The following DAAM1 variants were observed in gnomAD, a reference collection of about 807,000 sequenced individuals.
DAAM1 encodes dishevelled associated activator of morphogenesis 1.
Under a neutral mutation model 130.0 loss-of-function variants are expected in DAAM1, and 52 were observed. The ratio of observed to expected loss-of-function variants is 0.40; its 90% CI spans 0.32 to 0.50. DAAM1 has a LOEUF of 0.50. DAAM1 is among the 20% of genes least tolerant of loss of function. The pLI, the probability that DAAM1 is intolerant of heterozygous loss-of-function variation, is 0.61. For synonymous variants in DAAM1, 452 were observed against 444.5 expected, an observed-to-expected ratio of 1.02 and a Z score of -0.21; for missense variants, 1,134 against 1,303.8, an observed-to-expected ratio of 0.87 and a Z score of 2.01.
At chr14:59,211,283 C>G (rs1888418212) in intron 1 of DAAM1, among the ~76,000 whole-genome samples, 1 of 152,152 alleles carries the variant, frequency 6.6e-6, no homozygotes, top group Non-Finnish European at 1.5e-5. Context: ...TATTATGGTT[C>G]TGTTCAGATT....
chr14:59,358,382 AACT>A (rs564581681), intron 20 of DAAM1, among the ~76,000 whole-genome samples: 153 of 152,230 alleles, frequency 1.0e-3, no homozygotes, highest in Non-Finnish European at 6.0e-4. Context: ...CAACTGTTTT[AACT>A]ACTAAGAGTT....
At chr14:59,257,310 T>A (rs1881942910) in intron 1 of DAAM1, among the ~76,000 whole-genome samples, 1 of 151,828 alleles carries the variant, frequency 6.6e-6, no homozygotes, top group Non-Finnish European at 1.5e-5. Flanking sequence ...ATATACTACG[T>A]GCCAGGGATT....
intron 2 of DAAM1, among the ~76,000 whole-genome samples, chr14:59,286,513 A>G (rs1005308837): frequency 1.6e-4 from 25 of 152,188 alleles, no homozygotes; most frequent in Admixed American, 1.2e-3. Context: ...GAAAGATTAA[A>G]CAAGATTTAT....
rs17096063 is a variant in DAAM1 at position 59,310,910 on chromosome 14, G to A, written c.274-4370G>A. On this transcript the variant is annotated intron_variant, in intron 3 of 24. Coordinates refer to ENST00000360909, the MANE Select transcript of DAAM1 (RefSeq NM_001270520.2). The stretch of plus-strand genomic sequence containing the variant: ...ACCGCAGAGCATGTCCTTTACAATT[G>A]ATTGACCTTTGCATAGCTTATTTTG... Among the ~76,000 whole-genome samples the A allele has an allele frequency of 6.5e-3, 981 of 151,996 alleles. 15 individuals are homozygous for A. The highest frequency in any genetic ancestry group is 0.023 in the African/African-American group (950 of 41,484).
At chr14:59,289,224 A>C (rs777653463) in intron 2 of DAAM1, among the ~76,000 whole-genome samples, 1 of 152,090 alleles carries the variant, frequency 6.6e-6, no homozygotes, top group Middle Eastern at 3.4e-3. Context: ...CCAACCACAC[A>C]CTTTTAAACC....
intron 1 of DAAM1, among the ~76,000 whole-genome samples, chr14:59,206,476 C>T (rs1054820004): frequency 1.1e-4 from 16 of 152,012 alleles, no homozygotes; most frequent in African/African-American, 1.4e-4. Flanking sequence ...AGGGTTTTAC[C>T]GTGTTAGCCA....
At chr14:59,282,802 C>A (rs928034487) in intron 2 of DAAM1, among the ~76,000 whole-genome samples, 2 of 152,174 alleles carry the variant, frequency 1.3e-5, no homozygotes, top group African/African-American at 4.8e-5. Context: ...TAAAACACTA[C>A]TATTAAGAAC....
At chr14:59,341,396 A>T (rs944630186) in intron 16 of DAAM1, among the ~76,000 whole-genome samples, 1 of 152,220 alleles carries the variant, frequency 6.6e-6, no homozygotes, top group South Asian at 2.1e-4. Context: ...TTTCTTCTAC[A>T]GTAGTCCCCC....
Position 59,324,247 on chromosome 14 carries a change from C to T in DAAM1, c.885+9C>T. 1 of 1,415,960 alleles carries T rather than the reference C, an allele frequency of 7.1e-7. No individual in the cohort carries two copies. The highest frequency in any genetic ancestry group is 9.3e-7 in the Non-Finnish European group (1 of 1,079,616). 87.7% of individuals were successfully genotyped at this position (1,415,960 alleles called of 1,614,324 possible). ...GCCAAGGTGCAGGAGTGGTAAGAACCTTCTACAAATTAAAAATATATTAGT... is the reference window on the plus strand; with the variant it reads ...GCCAAGGTGCAGGAGTGGTAAGAACTTTCTACAAATTAAAAATATATTAGT... On this transcript the variant is annotated intron_variant, in intron 7 of 24. Transcript: ENST00000360909.
intron 2 of DAAM1, among the ~76,000 whole-genome samples, chr14:59,286,120 T>C (rs1012164291): frequency 1.3e-5 from 2 of 152,098 alleles, no homozygotes; most frequent in Non-Finnish European, 2.9e-5. Flanking sequence ...CAAGAAGATC[T>C]ATCAAAACCA....
chr14:59,243,635 A>T (rs190562663), intron 1 of DAAM1, among the ~76,000 whole-genome samples: 24 of 152,054 alleles, frequency 1.6e-4, no homozygotes, highest in Admixed American at 7.9e-4. Flanking sequence ...CTTGGTTTGG[A>T]TTTCCTCTTT....
intron 3 of DAAM1, among the ~76,000 whole-genome samples, chr14:59,305,691 C>T (rs1429584861): frequency 6.6e-6 from 1 of 152,178 alleles, no homozygotes; most frequent in Non-Finnish European, 1.5e-5. Context: ...GAGCAGAGGG[C>T]TCCTGAACCC....
rs140784423 is a variant in DAAM1, at chr14:59,281,060, C to T, written c.184-10157C>T. On this transcript the variant is annotated intron_variant, in intron 2 of 24. Transcript: ENST00000360909. Reference sequence around the variant, plus strand: ...GGATGAGTTCTTCTTACTGTCTGTCCCAAGACAGATTTCTCTGCAAGAGTT... The same window carrying T: ...GGATGAGTTCTTCTTACTGTCTGTCTCAAGACAGATTTCTCTGCAAGAGTT... Among the ~76,000 whole-genome samples, 122 of 152,204 alleles carry T rather than the reference C, an allele frequency of 8.0e-4. 1 individual carries two copies. In the East Asian group the frequency reaches 0.021, roughly 27 times the overall value.
chr14:59,237,304 C>T (rs552336547), intron 1 of DAAM1, among the ~76,000 whole-genome samples: 77 of 152,188 alleles, frequency 5.1e-4, no homozygotes, highest in Non-Finnish European at 1.0e-3. Flanking sequence ...AGAGACATCC[C>T]GCCAGGTGGT....
intron 1 of DAAM1, among the ~76,000 whole-genome samples, chr14:59,228,948 G>T (rs1053484126): frequency 1.3e-5 from 2 of 152,122 alleles, no homozygotes; most frequent in African/African-American, 4.8e-5. Flanking sequence ...TTCAATTTTT[G>T]ATTGACTTTT....
chr14:59,352,304 G>C (rs954093129), intron 17 of DAAM1, among the ~76,000 whole-genome samples: 1 of 152,168 alleles, frequency 6.6e-6, no homozygotes, highest in Non-Finnish European at 1.5e-5. Context: ...AGGCAGTAGA[G>C]AACAGAAAGG....
At chr14:59,213,235 C>T (rs1370085193) in intron 1 of DAAM1, among the ~76,000 whole-genome samples, 2 of 151,302 alleles carry the variant, frequency 1.3e-5, no homozygotes, top group African/African-American at 4.9e-5. Context: ...TCAAGGGAGA[C>T]CCCTCCCTTC....
Position 59,368,714 on chromosome 14 carries a change from G to T in DAAM1, c.3062G>T (p.Gly1021Val). The T allele has an allele frequency of 6.2e-7, 1 of 1,613,926 alleles. No individual in the cohort carries two copies. Among genetic ancestry groups the T allele is most frequent in the Non-Finnish European group, 8.5e-7 (1 of 1,179,880 alleles). The change falls in exon 25 of 25, where the codon GGA (glycine) becomes GTA (valine). Residue 1021 changes from glycine to valine, a missense_variant. Around this residue, in one of 3 missense-constraint regions of DAAM1, gnomAD observed 644 missense variants for 695.9 expected, o/e 0.93. Transcript: ENST00000360909. ...GCTAAAGAGAATAGTGAAGAAAGCG[G>T]AGAGTTTGATGACCTTGTTTCAGCT... ...RKAKENSEESGEFDDLVSALR... is the reference protein window; with the variant it reads ...RKAKENSEESVEFDDLVSALR...
Position 59,327,921 on chromosome 14 carries a change from A to G in DAAM1, c.1372+930A>G, listed in dbSNP as rs550784690. 2.0e-5 allele frequency among the ~76,000 whole-genome samples: 3 copies of G among 152,348 alleles called. No homozygotes were observed. The South Asian group carries it at 6.2e-4, about 32-fold the overall frequency. On this transcript the variant is annotated intron_variant, in intron 12 of 24. Transcript: ENST00000360909. ...TTATGTCCATCAGTGTACCAGCCAT[A>G]CAGAGAAATGTATGTAATTTTCCTT...
Sources: gnomAD v4.1 joint callset for allele counts (sites outside exome capture counted in the v4.1 genomes callset) on GRCh38, gnomAD v4.1.1 for gene constraint, gnomAD v4.1.1 regional missense constraint, MANE v1.5 for transcripts, NCBI Gene and HGNC (gene_info 2026-07-23, HGNC 2026-07-21) for gene names.